The following PFKFB3 variants were observed in gnomAD, a reference collection of about 807,000 sequenced individuals.
The protein encoded by PFKFB3 is 6-phosphofructo-2-kinase/fructose-2,6-bisphosphatase 3.
Under a neutral mutation model 68.0 loss-of-function variants are expected in PFKFB3, and 33 were observed. That is an observed-to-expected ratio of 0.49 (90% CI 0.37 to 0.65). The LOEUF (loss-of-function observed/expected upper bound fraction) is 0.65, where lower values mean the gene tolerates loss of function less well. Ranked by LOEUF, PFKFB3 falls within the 30% of genes least tolerant of loss-of-function variation. The probability of loss-of-function intolerance (pLI) is 0.00; values close to 1 mark genes in which losing one functional copy is unlikely to be tolerated. For synonymous variants in PFKFB3, 315 were observed against 288.2 expected, an observed-to-expected ratio of 1.09 and a Z score of -0.94; for missense variants, 586 against 712.2, an observed-to-expected ratio of 0.82 and a Z score of 2.02.
At position 6,228,315 on chromosome 10, in the gene PFKFB3, T is replaced by C. The variant is rs758219307; in HGVS notation, c.1515+1950T>C. 7.4e-7 allele frequency: 1 copy of C among 1,347,676 alleles called. No individual in the cohort carries two copies. Among genetic ancestry groups the C allele is most frequent in the Non-Finnish European group, 1.1e-6 (1 of 940,496 alleles). 83.5% of individuals were successfully genotyped at this position (1,347,676 alleles called of 1,614,324 possible). A position where few individuals can be genotyped will look rare whatever the true frequency, so the allele number is the denominator to read the frequency against. Reference sequence around the variant, plus strand: ...GTTAAAATATTGAGGATGAGAGCAGTTTTGTGATGTGAGGTCTTCCGTGGG... The same window carrying C: ...GTTAAAATATTGAGGATGAGAGCAGCTTTGTGATGTGAGGTCTTCCGTGGG... On this transcript the variant is annotated intron_variant, in intron 14 of 14. Coordinates refer to ENST00000379775, the MANE Select transcript of PFKFB3 (RefSeq NM_004566.4). The surrounding 1 kb of genome is among the most constrained non-coding windows in gnomAD (Gnocchi z 4.5).
At chr10:6,191,161 G>A (rs1052861892) in intron 1 of PFKFB3, among the ~76,000 whole-genome samples, 7 of 152,204 alleles carry the variant, frequency 4.6e-5, no homozygotes, top group African/African-American at 1.7e-4. Context: ...ATTTCAAGCT[G>A]TCAAGTGGCC....
chr10:6,289,321 G>A, the PFKFB3 span, among the ~76,000 whole-genome samples: 1 of 151,292 alleles, frequency 6.6e-6, no homozygotes, highest in African/African-American at 2.4e-5. Flanking sequence ...TTTCTTCTAG[G>A]GTTTTTATGG....
intron 1 of PFKFB3, among the ~76,000 whole-genome samples, chr10:6,194,132 G>T (rs1843104924): frequency 6.6e-6 from 1 of 152,202 alleles, no homozygotes; most frequent in Non-Finnish European, 1.5e-5. Flanking sequence ...TCTAGACGAG[G>T]TGTAGAGAGG....
At chr10:6,293,852 C>G in the PFKFB3 span, 1 of 397,358 alleles carries the variant, frequency 2.5e-6, no homozygotes, top group East Asian at 6.2e-5. Flanking sequence ...CTCAGACCAA[C>G]CAATAAGGTT....
In PFKFB3 at chr10:6,248,552, C is replaced by CAT. The variant is rs544609153; in HGVS notation, c.1516-5626_1516-5625insAT. Among the ~76,000 whole-genome samples the CAT allele has an allele frequency of 2.0e-3, 286 of 140,312 alleles. 1 individual carries two copies. The highest frequency in any genetic ancestry group is 7.1e-3 in the African/African-American group (268 of 38,010). The allele number at this position is 140,312 out of a possible 152,430, so 92.1% of individuals were successfully genotyped here. A position where few individuals can be genotyped will look rare whatever the true frequency, so the allele number is the denominator to read the frequency against. On this transcript the variant is annotated intron_variant, in intron 14 of 14. Transcript: ENST00000640683. ...GCTGAGGCATGAGAATCACTTGAAC[C>CAT]TGGGAGGCAGAGGCTGCAGTGAGCT... is the stretch of plus-strand genomic sequence containing the variant.
At chr10:6,146,003 T>A (rs1841378218) in intron 1 of PFKFB3, among the ~76,000 whole-genome samples, 1 of 152,066 alleles carries the variant, frequency 6.6e-6, no homozygotes, top group Non-Finnish European at 1.5e-5. Context: ...GATTTGACTT[T>A]CAAATCAGAG....
chr10:6,271,884 A>G, the PFKFB3 span, among the ~76,000 whole-genome samples: 3 of 152,226 alleles, frequency 2.0e-5, no homozygotes, highest in African/African-American at 7.2e-5. Flanking sequence ...TTGAATGGGA[A>G]GAAGTATTGC....
Position 6,213,647 on chromosome 10 carries a change from C to A in PFKFB3, c.101C>A (p.Ser34Tyr). Residue 34 changes from serine (S) to tyrosine (Y), a missense_variant, in exon 2 of 15, where the codon TCC becomes TAC. Coordinates refer to ENST00000379775, the MANE Select transcript of PFKFB3 (RefSeq NM_004566.4). ...PRSCGPKLTN[S>Y]PTVIVMVGLP... ...GCCTGTGGGCCAAAGCTGACCAACT[C>A]CCCCACCGTCATCGTCATGGTGGGC... 6.2e-7 allele frequency: 1 copy of A among 1,613,232 alleles called. No homozygotes were observed. Among genetic ancestry groups the A allele is most frequent in the Non-Finnish European group, 8.5e-7 (1 of 1,179,640 alleles).
intron 1 of PFKFB3, among the ~76,000 whole-genome samples, chr10:6,188,079 G>A (rs1231187348): frequency 3.3e-5 from 5 of 151,206 alleles, no homozygotes; most frequent in Admixed American, 2.6e-4. Context: ...GTACGTGTGC[G>A]TGTGTGTGTG....
the PFKFB3 span, among the ~76,000 whole-genome samples, chr10:6,302,133 C>A: frequency 6.6e-6 from 1 of 151,240 alleles, no homozygotes; most frequent in Non-Finnish European, 1.5e-5. Flanking sequence ...TGGCTCACTG[C>A]AACTTCTGTC....
At chr10:6,207,202 G>A (rs1213369035) in intron 1 of PFKFB3, among the ~76,000 whole-genome samples, 3 of 152,224 alleles carry the variant, frequency 2.0e-5, no homozygotes, top group Admixed American at 6.5e-5. Flanking sequence ...TCGGGAGGCC[G>A]AGGCTGGCGG....
chr10:6,306,433 G>A, the PFKFB3 span, among the ~76,000 whole-genome samples: 1 of 152,228 alleles, frequency 6.6e-6, no homozygotes, highest in East Asian at 1.9e-4. Flanking sequence ...CTGGAAACAG[G>A]CTGTGTCTTC....
In PFKFB3 at chr10:6,215,342, G is replaced by T. The variant is rs577929443; in HGVS notation, c.299+25G>T. 29 of 1,579,716 alleles carry T rather than the reference G, an allele frequency of 1.8e-5. No homozygotes were observed. Among genetic ancestry groups the T allele is most frequent in the Non-Finnish European group, 2.5e-5 (29 of 1,149,900 alleles). ...AGTAAGGCTGGGCCGCGGGCGTAGGGCTGGGCTGTGGGAATAAGGCTGGGC... is the reference window on the plus strand; with the variant it reads ...AGTAAGGCTGGGCCGCGGGCGTAGGTCTGGGCTGTGGGAATAAGGCTGGGC... On this transcript the variant is annotated intron_variant, in intron 3 of 14. Transcript: ENST00000379775. The surrounding 1 kb of genome is among the most constrained non-coding windows in gnomAD (Gnocchi z 4.3).
In PFKFB3 at chr10:6,235,290, T is replaced by G. The variant is rs186547454; in HGVS notation, c.*2348T>G. The G allele has an allele frequency of 1.3e-5, 2 of 152,842 alleles. No individual in the cohort carries two copies. The highest frequency in any genetic ancestry group is 2.4e-5 in the African/African-American group (1 of 41,566). The allele number at this position is 152,842 out of a possible 1,614,324, so 9.5% of individuals were successfully genotyped here. On this transcript the variant is annotated 3_prime_UTR_variant, in exon 15 of 15. Transcript: ENST00000379775. ...TTTTTTATTATTTTGATAGCAGATG[T>G]GCTATTTATTTATTTAATATGTATA... is the stretch of plus-strand genomic sequence containing the variant.
chr10:6,324,043 A>G, the PFKFB3 span, among the ~76,000 whole-genome samples: 1 of 152,196 alleles, frequency 6.6e-6, no homozygotes, highest in African/African-American at 2.4e-5. Flanking sequence ...ATAATAGCCA[A>G]AAGGTGGAAA....
At chr10:6,326,403 G>A in the PFKFB3 span, 11 of 384,048 alleles carry the variant, frequency 2.9e-5, no homozygotes, top group Non-Finnish European at 5.7e-5. Flanking sequence ...GTTTACCTAT[G>A]TAGCAAACCT....
rs1227280860 is a variant in PFKFB3, at chr10:6,228,100, C to G, written c.1515+1735C>G. The G allele has an allele frequency of 3.6e-6, 5 of 1,370,068 alleles. No homozygotes were observed. In the East Asian group the frequency reaches 9.2e-5, roughly 25 times the overall value. 84.9% of individuals were successfully genotyped at this position (1,370,068 alleles called of 1,614,324 possible). ...GCCAGGTTCTTAGGGACGTCTGAAG[C>G]TGCTGGCTGGGCCGGCGTGGGGTTT... On this transcript the variant is annotated intron_variant, in intron 14 of 14. Coordinates refer to ENST00000379775, the MANE Select transcript of PFKFB3 (RefSeq NM_004566.4). This position sits in a 1 kb window ranked among gnomAD's most constrained non-coding sequence, Gnocchi z 4.5.
At chr10:6,326,574 C>G in the PFKFB3 span, 14 of 455,802 alleles carry the variant, frequency 3.1e-5, no homozygotes, top group Middle Eastern at 6.5e-4. Context: ...GGAGCTCCAC[C>G]GTGACTCTCC....
chr10:6,180,047 T>TA (rs1159361129), intron 1 of PFKFB3, among the ~76,000 whole-genome samples: 1 of 151,884 alleles, frequency 6.6e-6, no homozygotes, highest in Non-Finnish European at 1.5e-5. Flanking sequence ...TAACCAGCTT[T>TA]AAAAATGTGT....
Sources: gnomAD v4.1 joint callset for allele counts (sites outside exome capture counted in the v4.1 genomes callset) on GRCh38, gnomAD v4.1.1 for gene constraint, Gnocchi (gnomAD v3.1) non-coding constraint, MANE v1.5 for transcripts, NCBI Gene and HGNC (gene_info 2026-07-23, HGNC 2026-07-21) for gene names.